Variants in MAPK8IP2 observed in about 807,000 individuals in gnomAD.
MAPK8IP2 encodes C-Jun-amino-terminal kinase-interacting protein 2.
In MAPK8IP2, 15 loss-of-function variants were observed where a neutral mutation model predicts 75.6. That is an observed-to-expected ratio of 0.20 (90% CI 0.13 to 0.31). MAPK8IP2 has a LOEUF of 0.31. Among genes scored for constraint, MAPK8IP2 ranks in the 10% least tolerant of loss-of-function variants. The pLI is 1.00. For missense variants in MAPK8IP2, 1,089 were observed against 1,211.2 expected (o/e 0.90, Z 1.50); for synonymous variants, 632 against 554.5 (o/e 1.14, Z -1.96).
chr22:50,604,501 C>G lies in MAPK8IP2; in HGVS notation c.1202C>G (p.Ala401Gly). The G allele has an allele frequency of 8.2e-7, 1 of 1,222,018 alleles. No individual in the cohort carries two copies. Among genetic ancestry groups the G allele is most frequent in the Non-Finnish European group, 1.0e-6 (1 of 983,672 alleles). The allele number at this position is 1,222,018 out of a possible 1,614,324, so 75.7% of individuals were successfully genotyped here. A position where few individuals can be genotyped will look rare whatever the true frequency, so the allele number is the denominator to read the frequency against. ...AQDSQDPEAA[A>G]GPGGVELVDM... ...GACTCCCAGGACCCCGAGGCGGCCGCGGGGCCCGGCGGCGTGGAGCTGGTG... is the reference window on the plus strand; with the variant it reads ...GACTCCCAGGACCCCGAGGCGGCCGGGGGGCCCGGCGGCGTGGAGCTGGTG... Residue 401 changes from alanine (A) to glycine (G), a missense_variant, in exon 5 of 12, where the codon GCG becomes GGG. By Grantham distance (60) the Ala-to-Gly change is moderately conservative (BLOSUM62 0). Around this residue, in one of 2 missense-constraint regions of MAPK8IP2, gnomAD observed 960 missense variants for 1,009.6 expected, o/e 0.95. Transcript: ENST00000329492.
Position 50,603,825 on chromosome 22 carries a change from C to A in MAPK8IP2, c.542-16C>A, listed in dbSNP as rs1393569535. The A allele has an allele frequency of 4.6e-6, 7 of 1,523,600 alleles. No homozygotes were observed. The highest frequency in any genetic ancestry group is 6.2e-6 in the Non-Finnish European group (7 of 1,133,712). 94.4% of individuals were successfully genotyped at this position (1,523,600 alleles called of 1,614,324 possible). On this transcript the variant is annotated splice_polypyrimidine_tract_variant and intron_variant, in intron 4 of 11. Transcript: ENST00000329492. ...GGGTGGTGCAGAGAGGGTGACCCCA[C>A]CTCCCTGCCCAGCAGAGCTCCCGGG...
In MAPK8IP2 at chr22:50,606,757, G is replaced by T. The variant is rs776496717; in HGVS notation, c.2224G>T (p.Gly742Trp). ...RGVKLSLSGG[G>W]PEFQRCSHFF... ...GGTCAAGCTGAGTCTGAGCGGAGGAGGGCCCGAGGTGGGAGTGTGGGGGAC... is the reference window on the plus strand; with the variant it reads ...GGTCAAGCTGAGTCTGAGCGGAGGATGGCCCGAGGTGGGAGTGTGGGGGAC... The change falls in exon 9 of 12, where the codon GGG (glycine) becomes TGG (tryptophan). Residue 742 changes from glycine to tryptophan, a missense_variant. Physicochemically the swap from Gly to Trp is radical, Grantham distance 184. Transcript: ENST00000329492. 2 of 1,580,352 alleles carry T rather than the reference G, an allele frequency of 1.3e-6. No homozygotes were observed. The highest frequency in any genetic ancestry group is 1.8e-5 in the Admixed American group (1 of 54,668).
rs771305597 is a variant in MAPK8IP2 at position 50,603,426 on chromosome 22, C to T, written c.375C>T (p.Ile125=). 6.4e-7 allele frequency: 1 copy of T among 1,570,326 alleles called. No homozygotes were observed. Among genetic ancestry groups the T allele is most frequent in the Non-Finnish European group, 8.6e-7 (1 of 1,156,812 alleles). ...AGGCACCTGCCCCCGGGCCCCTTAT[C>T]CCCTCCCCTTCCGTGGAGGAGCCCC... The part of the protein sequence containing the change: ...GSEAPAPGPL[I]PSPSVEEPHK... The change falls in exon 3 of 12, where the codon ATC becomes ATT. Residue 125 remains isoleucine (I), a synonymous_variant. Transcript: ENST00000329492.
intron 8 of MAPK8IP2, among the ~76,000 whole-genome samples, chr22:50,606,272 C>T (rs1486759794): frequency 1.5e-5 from 2 of 134,478 alleles, no homozygotes; most frequent in East Asian, 2.4e-4. Flanking sequence ...GAGCCCTCTA[C>T]TCATCCACTC....
Position 50,607,150 on chromosome 22 carries a change from C to A in MAPK8IP2, c.2303+159C>A, listed in dbSNP as rs545901967. Among the ~76,000 whole-genome samples, 18 of 152,294 alleles carry A rather than the reference C, an allele frequency of 1.2e-4. No individual in the cohort carries two copies. The South Asian group carries it at 3.3e-3, about 28-fold the overall frequency. ...TCTGTGAGCTGAGCCTGCAGTGGCGCCTGCTCTGAGCTGGACTCAGGAGGC... is the reference window on the plus strand; with the variant it reads ...TCTGTGAGCTGAGCCTGCAGTGGCGACTGCTCTGAGCTGGACTCAGGAGGC... On this transcript the variant is annotated intron_variant, in intron 10 of 11. Transcript: ENST00000329492. This position sits in a 1 kb window ranked among gnomAD's most constrained non-coding sequence, Gnocchi z 5.6.
chr22:50,609,381 GGGCA>G (rs1164859348), intron 10 of MAPK8IP2, among the ~76,000 whole-genome samples: 2 of 152,190 alleles, frequency 1.3e-5, no homozygotes, highest in African/African-American at 4.8e-5. Context: ...TTAATGGAAA[GGGCA>G]GAGGATGGTG....
chr22:50,610,688 G>A lies in MAPK8IP2; in HGVS notation c.2403-19G>A. The A allele has an allele frequency of 6.3e-7, 1 of 1,592,092 alleles. No homozygotes were observed. The highest frequency in any genetic ancestry group is 8.5e-7 in the Non-Finnish European group (1 of 1,170,560). On this transcript the variant is annotated intron_variant, in intron 11 of 11. Transcript: ENST00000329492. The surrounding 1 kb of genome is among the most constrained non-coding windows in gnomAD (Gnocchi z 4.3). ...GAGGACCGGCCCTGAGTGGCTGGTG[G>A]AGGACCGTCTTTCCCCAGCCGCGCC... is the stretch of plus-strand genomic sequence containing the variant.
At position 50,610,038 on chromosome 22, in the gene MAPK8IP2, G is replaced by C. The variant is rs887761313; in HGVS notation, c.2304-174G>C. On this transcript the variant is annotated intron_variant, in intron 10 of 11. Transcript: ENST00000329492. The surrounding 1 kb of genome is among the most constrained non-coding windows in gnomAD (Gnocchi z 4.3). ...TTGGTAGGTGCCCAGCCCTGTGCTT[G>C]GGCTGAAACCAAAAAAAGACAACTT... is the stretch of plus-strand genomic sequence containing the variant. 1 of 727,978 alleles carries C rather than the reference G, an allele frequency of 1.4e-6. No individual in the cohort carries two copies. The highest frequency in any genetic ancestry group is 2.5e-6 in the Non-Finnish European group (1 of 399,734). The allele number at this position is 727,978 out of a possible 1,614,324, so 45.1% of individuals were successfully genotyped here.
Position 50,604,694 on chromosome 22 carries a change from C to A in MAPK8IP2, c.1395C>A (p.Ala465=), listed in dbSNP as rs767572885. ...RAARPGRACS[A]ACSEEEDEED... is the part of the protein sequence containing the mutation. The stretch of plus-strand genomic sequence containing the variant: ...CCCGCCCGGGACGAGCCTGCTCCGC[C>A]GCCTGCTCCGAGGAGGAGGACGAAG... The change falls in exon 5 of 12, where the codon GCC becomes GCA. Residue 465 remains alanine (A), a synonymous_variant. Coordinates refer to ENST00000329492, the MANE Select transcript of MAPK8IP2 (RefSeq NM_012324.6). 1.3e-6 allele frequency: 2 copies of A among 1,526,418 alleles called. No homozygotes were observed. The highest frequency in any genetic ancestry group is 1.8e-6 in the Non-Finnish European group (2 of 1,139,736). The allele number at this position is 1,526,418 out of a possible 1,614,324, so 94.6% of individuals were successfully genotyped here.
chr22:50,604,793 G>A lies in MAPK8IP2; in HGVS notation c.1494G>A (p.Ala498=), dbSNP rs1170817924. ...SPGGRGTGPS[A]PRDASLVYDA... ...GGGGCAGGGGCACGGGCCCCTCGGC[G>A]CCGCGGGACGCGTCGCTGGTGTACG... Residue 498 remains alanine, a synonymous_variant, in exon 5 of 12, where the codon GCG becomes GCA. Coordinates refer to ENST00000329492, the MANE Select transcript of MAPK8IP2 (RefSeq NM_012324.6). The A allele has an allele frequency of 5.2e-6, 8 of 1,547,532 alleles. No individual in the cohort carries two copies. Among genetic ancestry groups the A allele is most frequent in the Non-Finnish European group, 7.0e-6 (8 of 1,147,260 alleles).
At chr22:50,605,803 C>A (rs753488349) in intron 7 of MAPK8IP2, 22 bp from the exon 8 acceptor site, 1 of 1,590,668 alleles carries the variant, frequency 6.3e-7, no homozygotes. Flanking sequence ...CTGACCTGGG[C>A]CCTCTGTGCC....
At position 50,603,333 on chromosome 22, in the gene MAPK8IP2, CGAGGAA is replaced by C. The variant is rs765132431; in HGVS notation, c.288_293del (p.Glu102_Glu103del). On this transcript the variant is annotated inframe_deletion, in exon 3 of 12. Coordinates refer to ENST00000329492, the MANE Select transcript of MAPK8IP2 (RefSeq NM_012324.6). ...ACAATGAAGAGGAGGACGATGAGGA[CGAGGAA>C]GAGGAGGAGGAGGAGGAGGAGGGAG... 8 of 1,558,488 alleles carry C rather than the reference CGAGGAA, an allele frequency of 5.1e-6. No homozygotes were observed. The highest frequency in any genetic ancestry group is 6.9e-6 in the Non-Finnish European group (8 of 1,154,208).
At chr22:50,603,757 GGGA>G in intron 4 of MAPK8IP2, 38 bp downstream of exon 4, 1 of 1,547,698 alleles carries the variant, frequency 6.5e-7, no homozygotes, top group South Asian at 1.2e-5. Context: ...GGGGAAGCGG[GGGA>G]GGAGGGCAGG....
chr22:50,608,036 G>A (rs552237425), intron 10 of MAPK8IP2, among the ~76,000 whole-genome samples: 1 of 152,260 alleles, frequency 6.6e-6, no homozygotes, highest in East Asian at 1.9e-4. Context: ...GGGAGTTGGA[G>A]GAAGCAGGCT....
chr22:50,600,958 C>T (rs1395330102), intron 1 of MAPK8IP2, 75 bp downstream of exon 1: 5 of 473,946 alleles, frequency 1.1e-5, no homozygotes, highest in African/African-American at 2.2e-5. Flanking sequence ...CCGGCCCGGA[C>T]CCCCGTCCCC....
Position 50,604,003 on chromosome 22 carries a change from G to T in MAPK8IP2, c.704G>T (p.Arg235Leu). The change falls in exon 5 of 12, where the codon CGC becomes CTC. Residue 235 changes from arginine (R) to leucine (L), a missense_variant. By Grantham distance (102) the Arg-to-Leu change is moderately radical. Coordinates refer to ENST00000329492, the MANE Select transcript of MAPK8IP2 (RefSeq NM_012324.6). The part of the protein sequence containing the change: ...DPGIEADLRS[R>L]SSGGRGGRRS... ...GGCATCGAGGCTGACCTGAGAAGCC[G>T]CTCGAGCGGCGGCCGCGGGGGACGT... 3 of 1,558,136 alleles carry T rather than the reference G, an allele frequency of 1.9e-6. No individual in the cohort carries two copies. The highest frequency in any genetic ancestry group is 2.6e-6 in the Non-Finnish European group (3 of 1,159,664).
intron 9 of MAPK8IP2, 45 bp from the exon 10 acceptor site, chr22:50,606,876 C>T (rs1459887332): frequency 1.2e-6 from 2 of 1,605,778 alleles, no homozygotes; most frequent in African/African-American, 1.3e-5. Context: ...AGGGGTGGCG[C>T]CAGGCCTCCT....
rs1434393611 is a variant in MAPK8IP2, at chr22:50,604,805, G to A, written c.1506G>A (p.Ala502=). 2.6e-6 allele frequency: 4 copies of A among 1,552,298 alleles called. No individual in the cohort carries two copies. The highest frequency in any genetic ancestry group is 1.2e-5 in the South Asian group (1 of 84,868). The stretch of plus-strand genomic sequence containing the variant: ...CGGGCCCCTCGGCGCCGCGGGACGC[G>A]TCGCTGGTGTACGACGCGGTCAAGT... ...RGTGPSAPRD[A]SLVYDAVKYT... Residue 502 remains alanine, a synonymous_variant, in exon 5 of 12, where the codon GCG becomes GCA. Transcript: ENST00000329492.
In MAPK8IP2 at chr22:50,603,357, G is replaced by A. The variant is rs1221448114; in HGVS notation, c.306G>A (p.Glu102=). The change falls in exon 3 of 12, where the codon GAG becomes GAA. Residue 102 remains glutamate (E), a synonymous_variant. Coordinates refer to ENST00000329492, the MANE Select transcript of MAPK8IP2 (RefSeq NM_012324.6). ...ACGAGGAAGAGGAGGAGGAGGAGGA[G>A]GAGGGAGATGGGGAAGGCCAGGAGG... is the stretch of plus-strand genomic sequence containing the variant. ...DEDEEEEEEE[E]EGDGEGQEGG... is the part of the protein sequence containing the mutation. 2 of 1,554,756 alleles carry A rather than the reference G, an allele frequency of 1.3e-6. No homozygotes were observed. Among genetic ancestry groups the A allele is most frequent in the East Asian group, 4.8e-5 (2 of 41,742 alleles).
Sources: gnomAD v4.1 joint callset for allele counts (sites outside exome capture counted in the v4.1 genomes callset) on GRCh38, gnomAD v4.1.1 for gene constraint, gnomAD v4.1.1 regional missense constraint, Gnocchi (gnomAD v3.1) non-coding constraint, MANE v1.5 for transcripts, NCBI Gene and HGNC (gene_info 2026-07-23, HGNC 2026-07-21) for gene names.